The following CDH13 variants were observed in gnomAD, a reference collection of about 807,000 sequenced individuals.
The protein encoded by CDH13 is cadherin 13.
CDH13 carries 24 observed loss-of-function variants against 63.8 expected under a neutral mutation model. The ratio of observed to expected loss-of-function variants is 0.38; its 90% CI spans 0.27 to 0.53. CDH13 has a LOEUF of 0.53. Among genes scored for constraint, CDH13 ranks in the 20% least tolerant of loss-of-function variants. The probability of loss-of-function intolerance (pLI) is 0.85; values close to 1 mark genes in which losing one functional copy is unlikely to be tolerated. For missense variants in CDH13, 1,049 were observed against 903.1 expected (o/e 1.16, Z -2.07); for synonymous variants, 503 against 355.3 (o/e 1.42, Z -4.67).
intron 6 of CDH13, among the ~76,000 whole-genome samples, chr16:83,441,203 C>T (rs1192658367): frequency 2.0e-5 from 3 of 152,166 alleles, no homozygotes; most frequent in Non-Finnish European, 4.4e-5. Context: ...AGACTCCTCT[C>T]GCCTGTCATT....
intron 3 of CDH13, among the ~76,000 whole-genome samples, chr16:83,057,810 G>C (rs538614088): frequency 2.4e-4 from 36 of 152,260 alleles, no homozygotes; most frequent in African/African-American, 8.7e-4. Flanking sequence ...TAAGACCAGA[G>C]TGTGCTTCCA....
intron 8 of CDH13, among the ~76,000 whole-genome samples, chr16:83,648,512 G>T (rs118153187): frequency 3.3e-5 from 5 of 152,244 alleles, no homozygotes; most frequent in Non-Finnish European, 5.9e-5. Flanking sequence ...CCCAGGCTTA[G>T]TCTGAATGCT....
At chr16:82,723,882 A>T (rs2032934322) in intron 1 of CDH13, among the ~76,000 whole-genome samples, 1 of 152,194 alleles carries the variant, frequency 6.6e-6, no homozygotes. Flanking sequence ...TGGAGTTTTC[A>T]GTCTTACCTG....
chr16:83,631,664 G>A (rs12449206), intron 8 of CDH13, among the ~76,000 whole-genome samples: 110,786 of 151,904 alleles, frequency 0.73, 40,577 homozygotes, highest in Middle Eastern at 0.88. Flanking sequence ...TAGGAACCAC[G>A]GAAGTGACAC....
intron 1 of CDH13, among the ~76,000 whole-genome samples, chr16:82,706,762 C>G (rs1210337921): frequency 6.6e-6 from 1 of 151,908 alleles, no homozygotes; most frequent in Non-Finnish European, 1.5e-5. Flanking sequence ...TGAGATCATG[C>G]CGCTGTACTC....
intron 6 of CDH13, among the ~76,000 whole-genome samples, chr16:83,411,909 G>A (rs540370314): frequency 1.3e-5 from 2 of 152,124 alleles, no homozygotes; most frequent in Non-Finnish European, 2.9e-5. Flanking sequence ...GGAAAAACAC[G>A]AGCTTGTAAT....
chr16:82,888,921 C>T (rs937400788), intron 2 of CDH13, among the ~76,000 whole-genome samples: 3 of 152,104 alleles, frequency 2.0e-5, no homozygotes, highest in African/African-American at 7.2e-5. Flanking sequence ...TTCGATTTGC[C>T]CAAGTTTGTT....
intron 6 of CDH13, among the ~76,000 whole-genome samples, chr16:83,369,855 C>T (rs1020314204): frequency 2.6e-5 from 4 of 152,138 alleles, no homozygotes; most frequent in Admixed American, 6.6e-5. Context: ...TGTTTGTATT[C>T]ATGACACATA....
At chr16:82,953,047 G>C (rs1370015951) in intron 2 of CDH13, among the ~76,000 whole-genome samples, 1 of 152,162 alleles carries the variant, frequency 6.6e-6, no homozygotes, top group East Asian at 1.9e-4. Flanking sequence ...TAGAGAATTA[G>C]ATATCCTCTT....
rs201609046 is a variant in CDH13 at position 83,733,645 on chromosome 16, GA to G, written c.1539-14462del. Among the ~76,000 whole-genome samples, 463 of 152,282 alleles carry G rather than the reference GA, an allele frequency of 3.0e-3. 2 individuals carry two copies. The highest frequency in any genetic ancestry group is 5.8e-3 in the Admixed American group (88 of 15,304). On this transcript the variant is annotated intron_variant, in intron 10 of 13. Coordinates refer to ENST00000567109, the MANE Select transcript of CDH13 (RefSeq NM_001257.5). ...TCCATGCTCAGCTTGGTCTGAGCTG[GA>G]CTCAGAGACCCAGGTGCCAGAGCAA... is the stretch of plus-strand genomic sequence containing the variant.
chr16:83,015,900 T>A (rs2151445078), intron 2 of CDH13, among the ~76,000 whole-genome samples: 1 of 151,764 alleles, frequency 6.6e-6, no homozygotes, highest in East Asian at 1.9e-4. Flanking sequence ...TGATTTACAT[T>A]TGGCTTGTGC....
intron 4 of CDH13, among the ~76,000 whole-genome samples, chr16:83,209,520 C>T (rs556916413): frequency 2.0e-5 from 3 of 151,900 alleles, no homozygotes; most frequent in Non-Finnish European, 2.9e-5. Context: ...CTGCATTTTC[C>T]AAGAAAAAGA....
intron 1 of CDH13, among the ~76,000 whole-genome samples, chr16:82,841,663 G>A: frequency 6.7e-6 from 1 of 150,218 alleles, no homozygotes; most frequent in African/African-American, 2.4e-5. Context: ...CTCATACATA[G>A]TGTAACCCTT....
chr16:83,166,476 C>G (rs2037676725), intron 4 of CDH13, among the ~76,000 whole-genome samples: 1 of 152,114 alleles, frequency 6.6e-6, no homozygotes, highest in Non-Finnish European at 1.5e-5. Flanking sequence ...TCCCTCCTTT[C>G]CTTCCAAGAT....
intron 3 of CDH13, among the ~76,000 whole-genome samples, chr16:83,052,010 T>A (rs35289080): frequency 0.051 from 7,827 of 152,264 alleles, 283 homozygotes; most frequent in Middle Eastern, 0.099. Flanking sequence ...ATAATTCAGA[T>A]ATTGTAAGAG....
At chr16:83,405,965 C>T (rs1395977901) in intron 6 of CDH13, among the ~76,000 whole-genome samples, 1 of 152,222 alleles carries the variant, frequency 6.6e-6, no homozygotes, top group Non-Finnish European at 1.5e-5. Flanking sequence ...GAGCCACATG[C>T]CCTCAGCCCA....
intron 1 of CDH13, among the ~76,000 whole-genome samples, chr16:82,764,066 A>G (rs1054793139): frequency 6.6e-6 from 1 of 152,122 alleles, no homozygotes; most frequent in African/African-American, 2.4e-5. Flanking sequence ...TAATGCATCA[A>G]CCTTTTATTA....
intron 10 of CDH13, among the ~76,000 whole-genome samples, chr16:83,718,527 T>A (rs1170141850): frequency 6.6e-6 from 1 of 152,168 alleles, no homozygotes; most frequent in Non-Finnish European, 1.5e-5. Flanking sequence ...TGAAGATTCC[T>A]GGAAAAAGGT....
At chr16:83,617,888 CAT>C (rs1909430508) in intron 8 of CDH13, among the ~76,000 whole-genome samples, 1 of 152,152 alleles carries the variant, frequency 6.6e-6, no homozygotes, top group South Asian at 2.1e-4. Flanking sequence ...TAATATATGA[CAT>C]AAAATATTAA....
Sources: gnomAD v4.1 joint callset for allele counts (sites outside exome capture counted in the v4.1 genomes callset) on GRCh38, gnomAD v4.1.1 for gene constraint, MANE v1.5 for transcripts, NCBI Gene and HGNC (gene_info 2026-07-23, HGNC 2026-07-21) for gene names.